TCTN1: variants seen among roughly 807,000 people sequenced by gnomAD.
The protein encoded by TCTN1 is tectonic family member 1, also known as tectonic-1.
In TCTN1, 58 loss-of-function variants were observed where a neutral mutation model predicts 65.8. The ratio of observed to expected loss-of-function variants is 0.88; its 90% CI spans 0.71 to 1.10. The LOEUF (loss-of-function observed/expected upper bound fraction) is 1.10. Among genes scored for constraint, TCTN1 ranks in the 50% least tolerant of loss-of-function variants. TCTN1 has a pLI of 0.00. For synonymous variants in TCTN1, 273 were observed against 289.1 expected (o/e 0.94, Z 0.57); for missense variants, 645 against 719.4 (o/e 0.90, Z 1.18).
Position 110,641,604 on chromosome 12 carries a change from T to A in TCTN1, c.1167T>A (p.Ala389=), listed in dbSNP as rs754192411. 15 of 1,614,150 alleles carry A rather than the reference T, an allele frequency of 9.3e-6. No individual in the cohort carries two copies. In the Admixed American group the frequency reaches 1.5e-4, roughly 16 times the overall value. Residue 389 remains alanine, a synonymous_variant, in exon 10 of 15, where the codon GCT becomes GCA. Coordinates refer to ENST00000397659, the MANE Select transcript of TCTN1 (RefSeq NM_001082538.3). ...GTTATGTCGTGGGGCTCCCATTAGC[T>A]GCTGGATTCCAGCCTCATAAGGGAT... ...NPGYVVGLPL[A]AGFQPHKGSG...
rs1593302830 is a variant in TCTN1, at chr12:110,632,488, A to G, written c.641A>G (p.Gln214Arg). The G allele has an allele frequency of 6.2e-7, 1 of 1,614,056 alleles. No individual in the cohort carries two copies. Among genetic ancestry groups the G allele is most frequent in the East Asian group, 2.2e-5 (1 of 44,884 alleles). The change falls in exon 5 of 15, where the codon CAG becomes CGG. Residue 214 changes from glutamine to arginine, a missense_variant. Physicochemically the swap from Gln to Arg is conservative, Grantham distance 43 (BLOSUM62 1). Coordinates refer to ENST00000397659, the MANE Select transcript of TCTN1 (RefSeq NM_001082538.3). ...AAKYEYGVPLQTSDSFLRFPS... is the reference protein window; with the variant it reads ...AAKYEYGVPLRTSDSFLRFPS... ...TGTTTGCAGTATGGGGTTCCTCTGC[A>G]GACTTCAGATTCGTTTCTGAGATTT...
chr12:110,618,669 T>G (rs1003679243), intron 1 of TCTN1, among the ~76,000 whole-genome samples: 2 of 152,156 alleles, frequency 1.3e-5, no homozygotes, highest in Non-Finnish European at 2.9e-5. Context: ...GTGCCTGGTT[T>G]GAAATCTTCT....
In TCTN1 at chr12:110,634,583, A is replaced by G. The variant is rs749811648; in HGVS notation, c.713-87A>G. The G allele has an allele frequency of 1.8e-5, 19 of 1,039,478 alleles. No homozygotes were observed. The Middle Eastern group carries it at 7.7e-4, about 42-fold the overall frequency. The allele number at this position is 1,039,478 out of a possible 1,614,324, so 64.4% of individuals were successfully genotyped here. On this transcript the variant is annotated intron_variant, in intron 5 of 14. Transcript: ENST00000397659. ...TAACTTATTTTACAGTTTTACCTAGATTAAAACTTTTTAGTTGCCATTGGA... is the reference window on the plus strand; with the variant it reads ...TAACTTATTTTACAGTTTTACCTAGGTTAAAACTTTTTAGTTGCCATTGGA...
chr12:110,642,432 A>G (rs1001668636), intron 11 of TCTN1, 43 bp downstream of exon 11: 1 of 1,614,128 alleles, frequency 6.2e-7, no homozygotes, highest in Non-Finnish European at 8.5e-7. Flanking sequence ...TGCTGATCAG[A>G]AAACAAAGCA....
chr12:110,624,489 C>T (rs774231476), intron 2 of TCTN1, among the ~76,000 whole-genome samples: 15 of 152,188 alleles, frequency 9.9e-5, no homozygotes, highest in Admixed American at 2.0e-4. Context: ...GGATTACAGG[C>T]ATGAGCCATG....
intron 4 of TCTN1, chr12:110,630,343 A>C (rs572970223): frequency 3.3e-5 from 5 of 152,366 alleles, no homozygotes; most frequent in East Asian, 1.9e-4. Flanking sequence ...TAAAAGATGC[A>C]GCAAAATGCT....
intron 12 of TCTN1, chr12:110,646,098 A>T (rs905531027): frequency 6.6e-6 from 1 of 152,260 alleles, no homozygotes; most frequent in Non-Finnish European, 1.5e-5. Context: ...AGCAGTGCGC[A>T]CATGGCACCG....
intron 1 of TCTN1, among the ~76,000 whole-genome samples, chr12:110,617,122 C>T (rs747383534): frequency 2.6e-5 from 4 of 152,162 alleles, no homozygotes; most frequent in African/African-American, 4.8e-5. Flanking sequence ...TAATTTTAAA[C>T]ATACAGGGAA....
intron 12 of TCTN1, chr12:110,646,946 C>T (rs1219077967): frequency 6.1e-6 from 3 of 490,236 alleles, no homozygotes; most frequent in African/African-American, 1.9e-5. Context: ...ACCGCAGTTT[C>T]AGGTGATGTC....
chr12:110,626,461 T>C lies in TCTN1; in HGVS notation c.441T>C (p.Asn147=). 6.2e-7 allele frequency: 1 copy of C among 1,612,702 alleles called. No homozygotes were observed. Residue 147 remains asparagine (N), a synonymous_variant, in exon 3 of 15, where the codon AAT becomes AAC. Coordinates refer to ENST00000397659, the MANE Select transcript of TCTN1 (RefSeq NM_001082538.3). ...QRVFELVDQI[N]PSIFCIHITN... ...TATTTGAACTTGTTGACCAGATTAA[T>C]CCATCTATTTTCTGCATTCATATTA... is the stretch of plus-strand genomic sequence containing the variant.
In TCTN1 at chr12:110,647,751, C is replaced by T. The variant is rs1201107995; in HGVS notation, c.1638C>T (p.Ala546=). The change falls in exon 14 of 15, where the codon GCC becomes GCT. Residue 546 remains alanine, a splice_region_variant and synonymous_variant. Coordinates refer to ENST00000397659, the MANE Select transcript of TCTN1 (RefSeq NM_001082538.3). Reference sequence around the variant, plus strand: ...TTGCATCTCTCTGTTTATTACAGGCCAACTCAGGAAATGAAAGGACGATTC... The same window carrying T: ...TTGCATCTCTCTGTTTATTACAGGCTAACTCAGGAAATGAAAGGACGATTC... ...ANLISSSFPE[A]NSGNERTILI... 1 of 1,614,168 alleles carries T rather than the reference C, an allele frequency of 6.2e-7. No individual in the cohort carries two copies. The highest frequency in any genetic ancestry group is 1.1e-5 in the South Asian group (1 of 91,086).
At chr12:110,633,317 A>G (rs1038534058) in intron 5 of TCTN1, among the ~76,000 whole-genome samples, 2 of 152,352 alleles carry the variant, frequency 1.3e-5, no homozygotes, top group Non-Finnish European at 2.9e-5. Flanking sequence ...TGAAAAGACA[A>G]TCTTGCACAC....
At chr12:110,642,228 G>T (rs1444553647) in intron 10 of TCTN1, 21 bp from the exon 11 acceptor site, 3 of 1,613,932 alleles carry the variant, frequency 1.9e-6, no homozygotes, top group Non-Finnish European at 2.5e-6. Flanking sequence ...CTAGGCAGTT[G>T]TCCCTTAACT....
intron 1 of TCTN1, among the ~76,000 whole-genome samples, chr12:110,617,991 G>A (rs1050307797): frequency 4.0e-5 from 6 of 151,680 alleles, no homozygotes; most frequent in East Asian, 1.9e-4. Context: ...TAATTCATAC[G>A]TACAAATAAG....
chr12:110,645,763 G>C (rs1197087807), intron 12 of TCTN1: 1 of 156,116 alleles, frequency 6.4e-6, no homozygotes, highest in Non-Finnish European at 1.4e-5. Context: ...GTGTGGGCCG[G>C]CCCTGGCCCA....
intron 4 of TCTN1, among the ~76,000 whole-genome samples, chr12:110,631,116 G>A (rs1306596997): frequency 6.6e-6 from 1 of 152,074 alleles, no homozygotes; most frequent in Non-Finnish European, 1.5e-5. Flanking sequence ...GCAGGCACCT[G>A]CCATCATGAT....
At chr12:110,648,788 AAG>A (rs57111495) in intron 14 of TCTN1, 24,285 of 307,230 alleles carry the variant, frequency 0.079, 1,058 homozygotes, top group Middle Eastern at 0.12. Context: ...GTCCAGGGAA[AAG>A]AGAGAGTTTA....
intron 4 of TCTN1, among the ~76,000 whole-genome samples, 185 bp from the exon 5 acceptor site, chr12:110,632,287 A>C (rs1223905074): frequency 1.3e-5 from 2 of 152,194 alleles, no homozygotes; most frequent in Admixed American, 1.3e-4. Flanking sequence ...ATACAGAAAC[A>C]CATCCTTTTA....
chr12:110,624,552 T>A (rs1453640690), intron 2 of TCTN1, among the ~76,000 whole-genome samples: 11 of 150,526 alleles, frequency 7.3e-5, no homozygotes, highest in Non-Finnish European at 1.5e-4. Flanking sequence ...TTGTCAAATC[T>A]GGGATTGGTT....
Sources: allele counts gnomAD v4.1 joint callset (sites outside exome capture counted in the v4.1 genomes callset), GRCh38; gene constraint gnomAD v4.1.1; transcripts MANE v1.5; gene names NCBI Gene and HGNC (gene_info 2026-07-23, HGNC 2026-07-21).